ZW10: variants seen among roughly 807,000 people sequenced by gnomAD.
ZW10 encodes the protein centromere/kinetochore protein zw10 homolog.
A neutral mutation model predicts 87.8 loss-of-function variants in ZW10; 53 were observed. The ratio of observed to expected loss-of-function variants is 0.60; its 90% CI spans 0.48 to 0.76. The LOEUF is 0.76. ZW10 is among the 30% of genes least tolerant of loss of function. The pLI is 0.00. For synonymous variants in ZW10, 312 were observed against 329.2 expected (o/e 0.95, Z 0.57); for missense variants, 837 against 923.0 (o/e 0.91, Z 1.21).
intron 7 of ZW10, among the ~76,000 whole-genome samples, chr11:113,753,487 C>T (rs1271876374): frequency 6.6e-6 from 1 of 152,038 alleles, no homozygotes; most frequent in Non-Finnish European, 1.5e-5. Flanking sequence ...CTCACTGCAC[C>T]CTCCACCTCC....
intron 12 of ZW10, 65 bp downstream of exon 12, chr11:113,739,148 A>G (rs1050558946): frequency 2.6e-6 from 4 of 1,566,032 alleles, no homozygotes; most frequent in South Asian, 1.2e-5. Context: ...TTCAAAAACT[A>G]TAAAGATACT....
At chr11:113,749,488 G>A (rs73007975) in intron 7 of ZW10, among the ~76,000 whole-genome samples, 24,664 of 152,072 alleles carry the variant, frequency 0.16, 2,257 homozygotes, top group Non-Finnish European at 0.21. Context: ...GGTTACATGA[G>A]TTTACACATA....
chr11:113,749,636 T>A (rs1379562011), intron 7 of ZW10, among the ~76,000 whole-genome samples: 1 of 152,242 alleles, frequency 6.6e-6, no homozygotes, highest in African/African-American at 2.4e-5. Context: ...TATTACTATA[T>A]AATATTTAAG....
intron 7 of ZW10, among the ~76,000 whole-genome samples, chr11:113,750,694 A>G (rs1287723799): frequency 6.6e-6 from 1 of 152,204 alleles, no homozygotes; most frequent in African/African-American, 2.4e-5. Context: ...GTGAAAAAAG[A>G]ATTGACAAAA....
intron 2 of ZW10, among the ~76,000 whole-genome samples, chr11:113,761,998 C>A (rs1009354526): frequency 6.6e-6 from 1 of 152,136 alleles, no homozygotes. Context: ...AACAAAAACA[C>A]TAAACTCCTT....
chr11:113,733,712 G>A lies in ZW10; in HGVS notation c.2322C>T (p.Ala774=). The A allele has an allele frequency of 6.2e-7, 1 of 1,613,942 alleles. No individual in the cohort carries two copies. Among genetic ancestry groups the A allele is most frequent in the Non-Finnish European group, 8.5e-7 (1 of 1,179,990 alleles). The change falls in exon 16 of 16, where the codon GCC becomes GCT. Residue 774 remains alanine, a synonymous_variant. Coordinates refer to ENST00000200135, the MANE Select transcript of ZW10 (RefSeq NM_004724.4). The part of the protein sequence containing the change: ...LFQNTERRAA[A]LAKIK ...GATGGAGCTATTTAATTTTAGCAAGGGCAGCTGCTCTTCTTTCTGTGTTCT... is the reference window on the plus strand; with the variant it reads ...GATGGAGCTATTTAATTTTAGCAAGAGCAGCTGCTCTTCTTTCTGTGTTCT...
chr11:113,747,872 A>AT (rs1953697597), intron 8 of ZW10, among the ~76,000 whole-genome samples, 159 bp from the exon 9 acceptor site: 1 of 152,220 alleles, frequency 6.6e-6, no homozygotes, highest in Non-Finnish European at 1.5e-5. Context: ...TTCCAGCCTT[A>AT]AATTCATTAG....
intron 2 of ZW10, among the ~76,000 whole-genome samples, chr11:113,763,919 C>T (rs1953887047): frequency 1.3e-5 from 2 of 152,152 alleles, no homozygotes; most frequent in African/African-American, 4.8e-5. Flanking sequence ...GCATGTTTGT[C>T]AGGAAGTCCT....
intron 11 of ZW10, among the ~76,000 whole-genome samples, chr11:113,740,238 C>T (rs1195011339): frequency 6.6e-6 from 1 of 151,974 alleles, no homozygotes; most frequent in Non-Finnish European, 1.5e-5. Flanking sequence ...AAATCAAATG[C>T]CCTAGGAAGA....
intron 9 of ZW10, among the ~76,000 whole-genome samples, chr11:113,746,467 C>A: frequency 1.5e-5 from 2 of 129,968 alleles, no homozygotes; most frequent in Non-Finnish European, 1.5e-5. Context: ...TTTCTTAGTG[C>A]TGGAGATATA....
intron 7 of ZW10, among the ~76,000 whole-genome samples, chr11:113,751,922 G>T (rs909161824): frequency 6.6e-6 from 1 of 151,296 alleles, no homozygotes; most frequent in Non-Finnish European, 1.5e-5. Flanking sequence ...ACTCCATCAC[G>T]TGATAGATAC....
rs1953620928 is a variant in ZW10, at chr11:113,741,702, T to C, written c.1575A>G (p.Thr525=). The C allele has an allele frequency of 2.5e-6, 4 of 1,599,808 alleles. No individual in the cohort carries two copies. The highest frequency in any genetic ancestry group is 2.3e-5 in the South Asian group (2 of 88,372). The change falls in exon 11 of 16, where the codon ACA becomes ACG. Residue 525 remains threonine (T), a synonymous_variant. Transcript: ENST00000200135. ...GATACAGTGGTACTTACTTGTGATA[T>C]GTTGGTACAACATCATGGAACAAAT... ...IFHLFHDVVP[T]YHKENLQKLP...
At chr11:113,758,465 C>T in intron 6 of ZW10, 89 bp downstream of exon 6, 2 of 1,326,462 alleles carry the variant, frequency 1.5e-6, no homozygotes, top group African/African-American at 1.5e-5. Flanking sequence ...TAATACTCTG[C>T]AGAGAATATT....
At position 113,767,702 on chromosome 11, in the gene ZW10, C is replaced by A. The variant is rs545638053; in HGVS notation, c.240+1131G>T. Among the ~76,000 whole-genome samples, 30 of 152,230 alleles carry A rather than the reference C, an allele frequency of 2.0e-4. No individual in the cohort carries two copies. The East Asian group carries it at 5.2e-3, about 26-fold the overall frequency. On this transcript the variant is annotated intron_variant, in intron 2 of 15. Transcript: ENST00000200135. ...CTTGCTTAAAAACCTCTATGGGTTC[C>A]ACAGGGCCATCAAGATAACGTCCAC...
chr11:113,760,337 C>G lies in ZW10; in HGVS notation c.452G>C (p.Arg151Thr). The change falls in exon 5 of 16, where the codon AGA becomes ACA. Residue 151 changes from arginine (R) to threonine (T), a missense_variant. Coordinates refer to ENST00000200135, the MANE Select transcript of ZW10 (RefSeq NM_004724.4). ...AQKCLKLLKS[R>T]KCFDLKILKS... is the part of the protein sequence containing the mutation. The stretch of plus-strand genomic sequence containing the variant: ...CAATATTTTTAAATCAAAGCATTTT[C>G]TGGATTTTAATAACTTCAAGCATTT... 6.2e-7 allele frequency: 1 copy of G among 1,613,862 alleles called. No individual in the cohort carries two copies. Among genetic ancestry groups the G allele is most frequent in the Non-Finnish European group, 8.5e-7 (1 of 1,179,964 alleles).
chr11:113,767,578 T>C (rs577494447), intron 2 of ZW10, among the ~76,000 whole-genome samples: 4 of 152,234 alleles, frequency 2.6e-5, no homozygotes, highest in African/African-American at 4.8e-5. Context: ...CTCTGAACAT[T>C]TTAACTGCCT....
intron 11 of ZW10, 140 bp from the exon 12 acceptor site, chr11:113,739,522 A>T: frequency 1.4e-6 from 1 of 699,628 alleles, no homozygotes. Context: ...ACAAGATACA[A>T]TCTCATCACT....
rs376616569 is a variant in ZW10, at chr11:113,773,609, G to T, written c.58C>A (p.Leu20Met). The T allele has an allele frequency of 1.2e-6, 2 of 1,613,940 alleles. No individual in the cohort carries two copies. Among genetic ancestry groups the T allele is most frequent in the African/African-American group, 1.3e-5 (1 of 74,926 alleles). The change falls in exon 1 of 16, where the codon CTG (leucine) becomes ATG (methionine). Residue 20 changes from leucine (L) to methionine (M), a missense_variant. By Grantham distance (15) the Leu-to-Met change is conservative. Coordinates refer to ENST00000200135, the MANE Select transcript of ZW10 (RefSeq NM_004724.4). ...AHSGRLEKED[L>M]GTRISRLTRR... ...GTCAGGCGGCTGATCCGGGTCCCCA[G>T]ATCCTCCTTTTCCAGCCTCCCGGAG...
chr11:113,752,580 T>A (rs2134881536), intron 7 of ZW10, among the ~76,000 whole-genome samples: 1 of 152,342 alleles, frequency 6.6e-6, no homozygotes, highest in South Asian at 2.1e-4. Context: ...TCAGAGTATT[T>A]CAAACTTTTT....
Sources: allele counts gnomAD v4.1 joint callset (sites outside exome capture counted in the v4.1 genomes callset), GRCh38; gene constraint gnomAD v4.1.1; transcripts MANE v1.5; gene names NCBI Gene and HGNC (gene_info 2026-07-23, HGNC 2026-07-21).